The following SERPINB9 variants were observed in gnomAD, a reference collection of about 807,000 sequenced individuals.
SERPINB9 encodes serpin family B member 9.
A neutral mutation model predicts 27.2 loss-of-function variants in SERPINB9; 20 were observed. That is an observed-to-expected ratio of 0.74 (90% CI 0.52 to 1.07). The LOEUF (loss-of-function observed/expected upper bound fraction) is 1.07. SERPINB9 is among the 50% of genes least tolerant of loss of function. SERPINB9 has a pLI of 0.00. For missense variants in SERPINB9, 476 were observed against 460.1 expected (o/e 1.03, Z -0.32); for synonymous variants, 189 against 180.0 (o/e 1.05, Z -0.40).
chr6:2,895,733 T>C (rs1345883899), intron 3 of SERPINB9, among the ~76,000 whole-genome samples: 1 of 152,134 alleles, frequency 6.6e-6, no homozygotes, highest in African/African-American at 2.4e-5. Context: ...CAATTTTACC[T>C]TTCAAGAAAA....
chr6:2,888,330 C>G lies in SERPINB9; in HGVS notation c.*1833G>C, dbSNP rs1173658862. The G allele has an allele frequency of 6.6e-6, 1 of 152,140 alleles. No homozygotes were observed. Among genetic ancestry groups the G allele is most frequent in the Non-Finnish European group, 1.5e-5 (1 of 68,020 alleles). 9.4% of individuals were successfully genotyped at this position (152,140 alleles called of 1,614,324 possible). ...AACATATGACCCAGCAGTTCCACTC[C>G]TAGATATATACCCAAGAGAATGCAA... On this transcript the variant is annotated 3_prime_UTR_variant, in exon 7 of 7. Transcript: ENST00000380698.
chr6:2,900,537 C>A lies in SERPINB9; in HGVS notation c.75G>T (p.Ser25=), dbSNP rs779594944. 6.2e-7 allele frequency: 1 copy of A among 1,613,874 alleles called. No homozygotes were observed. Among genetic ancestry groups the A allele is most frequent in the Admixed American group, 1.7e-5 (1 of 59,984 alleles). Residue 25 remains serine, a synonymous_variant, in exon 2 of 7, where the codon TCG becomes TCT. Coordinates refer to ENST00000380698, the MANE Select transcript of SERPINB9 (RefSeq NM_004155.6). ...TCACAGGAGAACAGAACACGTTGTG[C>A]GAAGGGTTATCTTGACACAGTATCT... ...LLKILCQDNP[S]HNVFCSPVSI... is the part of the protein sequence containing the mutation.
In SERPINB9 at chr6:2,894,938, G is replaced by A. The variant is rs1022550408; in HGVS notation, c.424+453C>T. ...TTTTGTATTTTTAGTAGAGATGTTG[G>A]GCGGGGGGGGGTCCCACCATGTTGG... On this transcript the variant is annotated intron_variant, in intron 4 of 6. Coordinates refer to ENST00000380698, the MANE Select transcript of SERPINB9 (RefSeq NM_004155.6). The surrounding 1 kb of genome is among the most constrained non-coding windows in gnomAD (Gnocchi z 4.7). Among the ~76,000 whole-genome samples, 3 of 107,106 alleles carry A rather than the reference G, an allele frequency of 2.8e-5. No homozygotes were observed. The highest frequency in any genetic ancestry group is 3.0e-4 in the East Asian group (1 of 3,298). 70.3% of individuals were successfully genotyped at this position (107,106 alleles called of 152,430 possible). A position where few individuals can be genotyped will look rare whatever the true frequency, so the allele number is the denominator to read the frequency against.
intron 2 of SERPINB9, among the ~76,000 whole-genome samples, chr6:2,896,607 AG>A (rs1271509045): frequency 6.6e-6 from 1 of 152,250 alleles, no homozygotes. Flanking sequence ...TGTACCCTAT[AG>A]GGACTACATG....
intron 4 of SERPINB9, 54 bp from the exon 5 acceptor site, chr6:2,893,607 A>T (rs1767899708): frequency 6.7e-7 from 1 of 1,485,402 alleles, no homozygotes; most frequent in Admixed American, 1.8e-5. Context: ...AACCTGATGC[A>T]TTGGATGATC....
Position 2,891,834 on chromosome 6 carries a change from G to A in SERPINB9, c.722C>T (p.Thr241Met). The A allele has an allele frequency of 2.5e-6, 4 of 1,600,970 alleles. No individual in the cohort carries two copies. Among genetic ancestry groups the A allele is most frequent in the African/African-American group, 1.3e-5 (1 of 74,570 alleles). The change falls in exon 6 of 7, where the codon ACG becomes ATG. Residue 241 changes from threonine (T) to methionine (M), a missense_variant and splice_region_variant. By Grantham distance (81) the Thr-to-Met change is moderately conservative. Transcript: ENST00000380698. This position sits in a 1 kb window ranked among gnomAD's most constrained non-coding sequence, Gnocchi z 4.0. ...TTCTTCCCGCAGCCCGGGTCTTACC[G>A]TGCTGAGCTCCACGCCGTCGTCAGG... ...LLPDDGVELS[T>M]VEKSLTFEKL...
intron 3 of SERPINB9, 82 bp from the exon 4 acceptor site, chr6:2,895,590 C>T (rs758987932): frequency 9.7e-6 from 8 of 825,380 alleles, no homozygotes; most frequent in South Asian, 6.0e-5. Flanking sequence ...AATATGTTAT[C>T]TTTTTTTAAT....
intron 2 of SERPINB9, among the ~76,000 whole-genome samples, chr6:2,898,856 AT>A (rs1450632572): frequency 6.6e-6 from 1 of 151,982 alleles, no homozygotes; most frequent in Non-Finnish European, 1.5e-5. Flanking sequence ...GATGCTTTAC[AT>A]TATCAAGGGT....
chr6:2,895,535 G>T (rs1252108667), intron 3 of SERPINB9, 27 bp from the exon 4 acceptor site: 3 of 1,421,822 alleles, frequency 2.1e-6, no homozygotes, highest in Middle Eastern at 1.7e-4. Context: ...GTTCAGTGAG[G>T]CTGCATTGCT....
chr6:2,892,043 G>A, intron 5 of SERPINB9, 55 bp from the exon 6 acceptor site: 1 of 1,508,530 alleles, frequency 6.6e-7, no homozygotes, highest in Admixed American at 1.8e-5. Flanking sequence ...AGCTGCAGTT[G>A]CCTCCAAGAG....
In SERPINB9 at chr6:2,890,498, C is replaced by A. The variant is rs1214778355; in HGVS notation, c.796G>T (p.Glu266Ter). Residue 266 changes from glutamate (E) to a stop codon, truncating the protein, a stop_gained, in exon 7 of 7, where the codon GAA (glutamate) becomes TAA (stop). Coordinates refer to ENST00000380698, the MANE Select transcript of SERPINB9 (RefSeq NM_004155.6). LOFTEE classifies it low-confidence loss of function (END_TRUNC). This position sits in a 1 kb window ranked among gnomAD's most constrained non-coding sequence, Gnocchi z 6.2. Reference protein sequence around the residue: ...KPDCMKSTEVEVLLPKFKLQE... With the variant: ...KPDCMKSTEV ...AGTTTAAATTTTGGAAGGAGAACTTCAACCTCAGTACTCTTCATACAGTCT... is the reference window on the plus strand; with the variant it reads ...AGTTTAAATTTTGGAAGGAGAACTTAAACCTCAGTACTCTTCATACAGTCT... 6.2e-7 allele frequency: 1 copy of A among 1,614,074 alleles called. No homozygotes were observed. Among genetic ancestry groups the A allele is most frequent in the Non-Finnish European group, 8.5e-7 (1 of 1,180,046 alleles).
At chr6:2,901,816 C>G (rs779614492) in intron 1 of SERPINB9, among the ~76,000 whole-genome samples, 5 of 152,214 alleles carry the variant, frequency 3.3e-5, no homozygotes, top group East Asian at 3.9e-4. Flanking sequence ...GGCCCCCTCC[C>G]GAGCCTCTGG....
intron 4 of SERPINB9, among the ~76,000 whole-genome samples, chr6:2,895,037 G>A (rs1241025571): frequency 1.3e-5 from 2 of 152,120 alleles, no homozygotes; most frequent in Non-Finnish European, 2.9e-5. Flanking sequence ...GATTACAGGC[G>A]AGAGCCACCG....
At position 2,889,660 on chromosome 6, in the gene SERPINB9, A is replaced by G. The variant is rs1042955850; in HGVS notation, c.*503T>C. The G allele has an allele frequency of 2.0e-5, 3 of 149,594 alleles. No homozygotes were observed. The highest frequency in any genetic ancestry group is 2.0e-4 in the East Asian group (1 of 5,088). The allele number at this position is 149,594 out of a possible 1,614,324, so 9.3% of individuals were successfully genotyped here. ...CAGTGAGCCGAGATCGAGCCACTGC[A>G]CTCCAGCCTGGGCGACAGAGAGCCA... On this transcript the variant is annotated 3_prime_UTR_variant, in exon 7 of 7. Coordinates refer to ENST00000380698, the MANE Select transcript of SERPINB9 (RefSeq NM_004155.6).
rs1767671407 is a variant in SERPINB9, at chr6:2,888,587, C to G, written c.*1576G>C. ...GTGAAAGAAGCCAGACACAAAAGGTCTCATACAATTCAATTTATATAAAAT... is the reference window on the plus strand; with the variant it reads ...GTGAAAGAAGCCAGACACAAAAGGTGTCATACAATTCAATTTATATAAAAT... On this transcript the variant is annotated 3_prime_UTR_variant, in exon 7 of 7. Coordinates refer to ENST00000380698, the MANE Select transcript of SERPINB9 (RefSeq NM_004155.6). 6.6e-6 allele frequency: 1 copy of G among 152,138 alleles called. No individual in the cohort carries two copies. The highest frequency in any genetic ancestry group is 6.5e-5 in the Admixed American group (1 of 15,270). 9.4% of individuals were successfully genotyped at this position (152,138 alleles called of 1,614,324 possible).
intron 1 of SERPINB9, among the ~76,000 whole-genome samples, chr6:2,902,587 C>G (rs1268814236): frequency 2.0e-5 from 3 of 152,054 alleles, no homozygotes; most frequent in Non-Finnish European, 4.4e-5. Context: ...TGGCGCAATC[C>G]CAGCTCACTG....
intron 2 of SERPINB9, 117 bp from the exon 3 acceptor site, chr6:2,896,307 T>TA: frequency 2.4e-6 from 2 of 831,178 alleles, no homozygotes; most frequent in Non-Finnish European, 3.8e-6. Context: ...CCTGAATGGA[T>TA]CTCGCTTGTT....
At chr6:2,900,375 G>T (rs1581201358) in intron 2 of SERPINB9, 69 bp downstream of exon 2, 2 of 1,560,246 alleles carry the variant, frequency 1.3e-6, no homozygotes, top group East Asian at 4.5e-5. Flanking sequence ...TCTGGAGTGT[G>T]AGTGTGAAGC....
chr6:2,890,630 G>A lies in SERPINB9; in HGVS notation c.724-60C>T, dbSNP rs1368878610. 2 of 1,493,026 alleles carry A rather than the reference G, an allele frequency of 1.3e-6. No individual in the cohort carries two copies. The highest frequency in any genetic ancestry group is 1.8e-6 in the Non-Finnish European group (2 of 1,095,602). The allele number at this position is 1,493,026 out of a possible 1,614,324, so 92.5% of individuals were successfully genotyped here. ...TTCAGTGCACATGTACAAGCGCACAGGCACTCACAGTTCCCTTCCTCCCCT... is the reference window on the plus strand; with the variant it reads ...TTCAGTGCACATGTACAAGCGCACAAGCACTCACAGTTCCCTTCCTCCCCT... On this transcript the variant is annotated intron_variant, in intron 6 of 6. Coordinates refer to ENST00000380698, the MANE Select transcript of SERPINB9 (RefSeq NM_004155.6). The surrounding 1 kb of genome is among the most constrained non-coding windows in gnomAD (Gnocchi z 6.2).
Sources: gnomAD v4.1 joint callset for allele counts (sites outside exome capture counted in the v4.1 genomes callset) on GRCh38, gnomAD v4.1.1 for gene constraint, Gnocchi (gnomAD v3.1) non-coding constraint, MANE v1.5 for transcripts, NCBI Gene and HGNC (gene_info 2026-07-23, HGNC 2026-07-21) for gene names.